The following CAST variants were observed in gnomAD, a reference collection of about 807,000 sequenced individuals.
The protein encoded by CAST is calpastatin.
A neutral mutation model predicts 119.6 loss-of-function variants in CAST; 76 were observed. The ratio of observed to expected loss-of-function variants is 0.64; its 90% confidence interval spans 0.53 to 0.77. The LOEUF (loss-of-function observed/expected upper bound fraction) is 0.77. CAST is among the 30% of genes least tolerant of loss of function. The pLI, the probability that CAST is intolerant of heterozygous loss-of-function variation, is 0.00. For synonymous variants in CAST, 319 were observed against 331.6 expected, an observed-to-expected ratio of 0.96 and a Z score of 0.41; for missense variants, 953 against 946.5, an observed-to-expected ratio of 1.01 and a Z score of -0.09.
intron 30 of CAST, among the ~76,000 whole-genome samples, chr5:96,771,217 A>G (rs1052341412): frequency 6.6e-6 from 1 of 152,316 alleles, no homozygotes; most frequent in South Asian, 2.1e-4. Context: ...TTTGCCTATT[A>G]TTTAATTTCA....
At chr5:96,376,273 T>C in the CAST span, among the ~76,000 whole-genome samples, 3 of 152,022 alleles carry the variant, frequency 2.0e-5, no homozygotes, top group Non-Finnish European at 4.4e-5. Flanking sequence ...GCATTGCTCA[T>C]GTGTTTGTGG....
At chr5:95,987,854 C>G in the CAST span, among the ~76,000 whole-genome samples, 1 of 152,138 alleles carries the variant, frequency 6.6e-6, no homozygotes, top group East Asian at 1.9e-4. Flanking sequence ...ATTTGGTTCC[C>G]CAATTGCACT....
At chr5:96,392,793 T>C in the CAST span, 1 of 618,420 alleles carries the variant, frequency 1.6e-6, no homozygotes, top group Non-Finnish European at 2.9e-6. Flanking sequence ...AAGATGTGTT[T>C]TGAAATACCT....
the CAST span, among the ~76,000 whole-genome samples, chr5:96,050,390 AATTTGCT>A: frequency 6.6e-6 from 1 of 151,920 alleles, no homozygotes; most frequent in Non-Finnish European, 1.5e-5. Context: ...GAGGGGGTGG[AATTTGCT>A]AGCACAGGTG....
At chr5:96,161,154 G>C in the CAST span, among the ~76,000 whole-genome samples, 478 of 152,030 alleles carry the variant, frequency 3.1e-3, 1 homozygote, top group Non-Finnish European at 3.8e-3. Flanking sequence ...TGTGCTGTCT[G>C]TTGATGTCAT....
At chr5:96,008,119 C>T in the CAST span, among the ~76,000 whole-genome samples, 4 of 152,130 alleles carry the variant, frequency 2.6e-5, no homozygotes, top group Admixed American at 2.6e-4. Flanking sequence ...GAAATAAATG[C>T]CTGTTGTTTA....
intron 1 of CAST, among the ~76,000 whole-genome samples, chr5:96,593,537 A>G (rs1278502983): frequency 6.6e-6 from 1 of 152,212 alleles, no homozygotes; most frequent in Non-Finnish European, 1.5e-5. Context: ...CAATGGAACA[A>G]TGAGGTATGC....
Position 96,534,801 on chromosome 5 carries a change from GAAGAAAGA to G in CAST, c.60+4936_60+4943del, listed in dbSNP as rs377420795. Among the ~76,000 whole-genome samples, 44 of 108,498 alleles carry G rather than the reference GAAGAAAGA, an allele frequency of 4.1e-4. 1 individual carries two copies. Among genetic ancestry groups the G allele is most frequent in the South Asian group, 5.8e-4 (2 of 3,474 alleles). 71.2% of individuals were successfully genotyped at this position (108,498 alleles called of 152,430 possible). On this transcript the variant is annotated intron_variant, in intron 1 of 11. Transcript: ENST00000505143. ...AGAAAGAAAGAAAGAAAGAAAGAAA[GAAGAAAGA>G]AAGAAAGAAAGAAAAGAAAGAAGGA... is the stretch of plus-strand genomic sequence containing the variant.
the CAST span, among the ~76,000 whole-genome samples, chr5:96,508,530 A>G: frequency 2.0e-5 from 3 of 152,158 alleles, no homozygotes; most frequent in Non-Finnish European, 4.4e-5. Flanking sequence ...GGGAGTCCAT[A>G]AAGTGAATTT....
At chr5:96,199,027 C>A in the CAST span, among the ~76,000 whole-genome samples, 1 of 152,122 alleles carries the variant, frequency 6.6e-6, no homozygotes, top group African/African-American at 2.4e-5. Context: ...CAGACATACT[C>A]CATGAGCCAA....
chr5:96,450,221 T>G, the CAST span, among the ~76,000 whole-genome samples: 11 of 152,302 alleles, frequency 7.2e-5, no homozygotes, highest in East Asian at 1.9e-3. Context: ...TATATCTGTA[T>G]CTGGAGATAG....
At chr5:95,999,674 T>G in the CAST span, among the ~76,000 whole-genome samples, 1 of 152,194 alleles carries the variant, frequency 6.6e-6, no homozygotes, top group Non-Finnish European at 1.5e-5. Context: ...TTTCAATTGT[T>G]TCCAATTTGG....
At chr5:96,044,092 A>G in the CAST span, among the ~76,000 whole-genome samples, 3 of 152,240 alleles carry the variant, frequency 2.0e-5, no homozygotes. Context: ...TACAATATTT[A>G]TGTTGCTTAG....
chr5:96,194,532 A>T, the CAST span, among the ~76,000 whole-genome samples: 2 of 152,344 alleles, frequency 1.3e-5, no homozygotes, highest in South Asian at 4.1e-4. Flanking sequence ...GTCTTCAAGG[A>T]TAAATACAAT....
chr5:96,368,341 A>T, the CAST span, among the ~76,000 whole-genome samples: 1 of 151,926 alleles, frequency 6.6e-6, no homozygotes, highest in African/African-American at 2.4e-5. Flanking sequence ...CTCTACTAAA[A>T]ATACAAAAAT....
chr5:96,715,762 C>G (rs928278489), intron 3 of CAST, among the ~76,000 whole-genome samples: 2 of 152,194 alleles, frequency 1.3e-5, no homozygotes, highest in African/African-American at 4.8e-5. Context: ...AATAGTCTCC[C>G]TCTTCTGACC....
chr5:96,672,348 C>T (rs1182756913), intron 1 of CAST, among the ~76,000 whole-genome samples: 4 of 152,176 alleles, frequency 2.6e-5, no homozygotes, highest in African/African-American at 9.6e-5. Flanking sequence ...GGAATATGGG[C>T]ATTCATTGTA....
intron 2 of CAST, among the ~76,000 whole-genome samples, chr5:96,685,124 T>A (rs975243323): frequency 2.6e-5 from 4 of 151,862 alleles, no homozygotes; most frequent in African/African-American, 9.7e-5. Context: ...TTTAGATTTA[T>A]GAGCTGAATT....
chr5:95,969,733 A>G, the CAST span, among the ~76,000 whole-genome samples: 2 of 152,204 alleles, frequency 1.3e-5, no homozygotes, highest in Non-Finnish European at 2.9e-5. Context: ...CTAGAAGATA[A>G]TATTATATGA....
Sources: gnomAD v4.1 joint callset for allele counts (sites outside exome capture counted in the v4.1 genomes callset) on GRCh38, gnomAD v4.1.1 for gene constraint, MANE v1.5 for transcripts, NCBI Gene and HGNC (gene_info 2026-07-23, HGNC 2026-07-21) for gene names.